AKT3: variants seen among roughly 807,000 people sequenced by gnomAD.
The protein encoded by AKT3 is AKT serine/threonine kinase 3, also known as RAC-gamma serine/threonine-protein kinase.
A neutral mutation model predicts 65.3 loss-of-function variants in AKT3; 15 were observed. That is an observed-to-expected ratio of 0.23 (90% CI 0.15 to 0.35). The LOEUF is 0.35. AKT3 is among the 10% of genes least tolerant of loss of function. AKT3 has a pLI of 1.00. For synonymous variants in AKT3, 206 were observed against 183.8 expected (o/e 1.12, Z -0.98); for missense variants, 243 against 576.5 (o/e 0.42, Z 5.92).
chr1:243,528,772 G>A (rs941641372), intron 12 of AKT3, among the ~76,000 whole-genome samples: 1 of 152,140 alleles, frequency 6.6e-6, no homozygotes, highest in Admixed American at 6.5e-5. Flanking sequence ...GAACAGTGTT[G>A]TAATGAACAT....
At chr1:243,694,525 A>C (rs1684932370) in intron 3 of AKT3, among the ~76,000 whole-genome samples, 1 of 151,928 alleles carries the variant, frequency 6.6e-6, no homozygotes. Context: ...TAAACAGAGA[A>C]AGCTTTTTTT....
intron 12 of AKT3, among the ~76,000 whole-genome samples, chr1:243,541,504 C>T (rs1672317688): frequency 6.6e-6 from 1 of 151,900 alleles, no homozygotes; most frequent in Admixed American, 6.6e-5. Context: ...TCCCCCTATA[C>T]TAGTGCTGAA....
At chr1:243,571,214 G>A (rs1674537896) in intron 9 of AKT3, among the ~76,000 whole-genome samples, 1 of 152,178 alleles carries the variant, frequency 6.6e-6, no homozygotes, top group African/African-American at 2.4e-5. Context: ...CTACTCAGGA[G>A]GCTGAGGCAG....
At chr1:243,757,704 T>C (rs1351961383) in intron 2 of AKT3, among the ~76,000 whole-genome samples, 1 of 152,162 alleles carries the variant, frequency 6.6e-6, no homozygotes. Flanking sequence ...ATAAATGCAA[T>C]GTCAAAGTTC....
chr1:243,821,525 T>C (rs1572406468), intron 2 of AKT3, among the ~76,000 whole-genome samples: 1 of 152,292 alleles, frequency 6.6e-6, no homozygotes, highest in East Asian at 1.9e-4. Context: ...CAGTGTGCTG[T>C]ATTCAAGAGA....
intron 13 of AKT3, among the ~76,000 whole-genome samples, chr1:243,506,427 A>T (rs1300732888): frequency 1.3e-5 from 2 of 152,242 alleles, no homozygotes; most frequent in African/African-American, 4.8e-5. Flanking sequence ...CTCTCCAGGG[A>T]GCATCCGCTG....
chr1:243,616,649 T>C (rs1678347823), intron 6 of AKT3, among the ~76,000 whole-genome samples: 1 of 152,098 alleles, frequency 6.6e-6, no homozygotes, highest in Non-Finnish European at 1.5e-5. Flanking sequence ...CAAAATTAGA[T>C]GGAAGAAAGA....
At chr1:243,573,184 A>T in intron 8 of AKT3, 136 bp from the exon 9 acceptor site, 1 of 1,000,534 alleles carries the variant, frequency 1.0e-6, no homozygotes, top group Non-Finnish European at 1.4e-6. Flanking sequence ...GAGCACTCTT[A>T]GACAGCAGCT....
At chr1:243,579,687 T>C (rs1675194901) in intron 8 of AKT3, among the ~76,000 whole-genome samples, 1 of 152,196 alleles carries the variant, frequency 6.6e-6, no homozygotes, top group South Asian at 2.1e-4. Context: ...AGAAAAAGGT[T>C]TGTCTAAAGA....
chr1:243,694,692 C>T (rs6429433), intron 3 of AKT3, among the ~76,000 whole-genome samples: 34,383 of 151,650 alleles, frequency 0.23, 4,237 homozygotes, highest in East Asian at 0.31. Flanking sequence ...AAGATCACGG[C>T]TTTTATAATG....
chr1:243,642,449 A>G (rs879807561), intron 5 of AKT3, among the ~76,000 whole-genome samples: 1 of 152,208 alleles, frequency 6.6e-6, no homozygotes, highest in Non-Finnish European at 1.5e-5. Context: ...AGCTGGGACT[A>G]CAGGCGCCCG....
intron 8 of AKT3, among the ~76,000 whole-genome samples, chr1:243,586,579 C>T (rs1675828462): frequency 6.6e-6 from 1 of 152,154 alleles, no homozygotes; most frequent in Non-Finnish European, 1.5e-5. Flanking sequence ...TTTGCAGCAA[C>T]ATGGATGCAG....
intron 2 of AKT3, among the ~76,000 whole-genome samples, chr1:243,778,106 T>C (rs1402573629): frequency 1.3e-5 from 2 of 152,210 alleles, no homozygotes; most frequent in African/African-American, 2.4e-5. Flanking sequence ...CTCTCTCTTA[T>C]GTTAGTTGCA....
At position 243,788,098 on chromosome 1, in the gene AKT3, C is replaced by T. The variant is rs1691377126; in HGVS notation, c.46+55027G>A. Among the ~76,000 whole-genome samples the T allele has an allele frequency of 2.0e-5, 3 of 151,700 alleles. No individual in the cohort carries two copies. In the South Asian group the frequency reaches 6.3e-4, roughly 32 times the overall value. On this transcript the variant is annotated intron_variant, in intron 2 of 13. Coordinates refer to ENST00000673466, the MANE Select transcript of AKT3 (RefSeq NM_005465.7). ...AATCCAGGTATCTCTGAAACTTAAT[C>T]AGAGACAATAATCTATTTTTGAGGA...
chr1:243,651,719 C>T (rs978921574), intron 4 of AKT3, among the ~76,000 whole-genome samples: 4 of 152,086 alleles, frequency 2.6e-5, no homozygotes, highest in Non-Finnish European at 4.4e-5. Context: ...TATGTTGCAC[C>T]AGCCTTGCAT....
chr1:243,596,567 T>C (rs1034010384), intron 8 of AKT3, among the ~76,000 whole-genome samples: 12 of 152,172 alleles, frequency 7.9e-5, no homozygotes, highest in African/African-American at 2.4e-4. Context: ...ATGACTAAAA[T>C]GAAAACCACT....
At chr1:243,806,202 TAG>T (rs1392505273) in intron 2 of AKT3, among the ~76,000 whole-genome samples, 1 of 152,238 alleles carries the variant, frequency 6.6e-6, no homozygotes, top group Admixed American at 6.5e-5. Context: ...TGGCACTAAG[TAG>T]ATACCTTTAC....
chr1:243,689,740 G>A (rs996694441), intron 3 of AKT3, among the ~76,000 whole-genome samples: 5 of 151,864 alleles, frequency 3.3e-5, no homozygotes, highest in Non-Finnish European at 5.9e-5. Context: ...ATCACTTGAT[G>A]AGCCCAGTTC....
intron 3 of AKT3, among the ~76,000 whole-genome samples, chr1:243,665,590 AATT>A (rs1470648973): frequency 1.3e-5 from 2 of 152,304 alleles, no homozygotes; most frequent in Non-Finnish European, 2.9e-5. Context: ...GCGTAGATTC[AATT>A]ATTTTTTCGT....
Sources: gnomAD v4.1 joint callset for allele counts (sites outside exome capture counted in the v4.1 genomes callset) on GRCh38, gnomAD v4.1.1 for gene constraint, MANE v1.5 for transcripts, NCBI Gene and HGNC (gene_info 2026-07-23, HGNC 2026-07-21) for gene names.